PARD3: variants seen among roughly 807,000 people sequenced by gnomAD.
PARD3 encodes the protein partitioning defective 3 homolog.
Under a neutral mutation model 155.4 loss-of-function variants are expected in PARD3, and 75 were observed. The ratio of observed to expected loss-of-function variants is 0.48; its 90% CI spans 0.40 to 0.58. The LOEUF is 0.58. Among genes scored for constraint, PARD3 ranks in the 20% least tolerant of loss-of-function variants. The probability of loss-of-function intolerance (pLI) is 0.00; values close to 1 mark genes in which losing one functional copy is unlikely to be tolerated. For missense variants in PARD3, 1,642 were observed against 1,721.7 expected (o/e 0.95, Z 0.82); for synonymous variants, 576 against 610.5 (o/e 0.94, Z 0.83).
intron 1 of PARD3, among the ~76,000 whole-genome samples, chr10:34,713,317 G>T (rs2094473672): frequency 6.6e-6 from 1 of 151,968 alleles, no homozygotes. Flanking sequence ...AAATGGAATA[G>T]TGAAAGCTGT....
At chr10:34,743,088 T>C (rs1036499691) in intron 1 of PARD3, among the ~76,000 whole-genome samples, 3 of 152,212 alleles carry the variant, frequency 2.0e-5, no homozygotes, top group African/African-American at 7.2e-5. Flanking sequence ...TTAGCAAATA[T>C]TCAATTAAAT....
At chr10:34,247,762 A>C (rs964587795) in intron 22 of PARD3, among the ~76,000 whole-genome samples, 6 of 152,256 alleles carry the variant, frequency 3.9e-5, no homozygotes, top group Non-Finnish European at 8.8e-5. Context: ...TGCTAGACAC[A>C]GAAATTGGTG....
chr10:34,453,008 AC>A (rs1406833265), intron 4 of PARD3, among the ~76,000 whole-genome samples: 2 of 152,240 alleles, frequency 1.3e-5, no homozygotes, highest in South Asian at 2.1e-4. Context: ...CTAACTGGAC[AC>A]AGGCTCTGGC....
At chr10:34,752,250 T>C (rs1836137169) in intron 1 of PARD3, among the ~76,000 whole-genome samples, 2 of 151,160 alleles carry the variant, frequency 1.3e-5, no homozygotes, top group Non-Finnish European at 2.9e-5. Context: ...TTAAAATAAG[T>C]ATGTGCATTC....
chr10:34,568,036 G>A (rs1007565819), intron 2 of PARD3, among the ~76,000 whole-genome samples: 2 of 152,160 alleles, frequency 1.3e-5, no homozygotes, highest in South Asian at 2.1e-4. Context: ...CCATTCACTA[G>A]GCAGCTTTCT....
intron 3 of PARD3, among the ~76,000 whole-genome samples, chr10:34,505,871 G>A (rs1254462889): frequency 2.6e-5 from 4 of 152,168 alleles, no homozygotes; most frequent in East Asian, 1.9e-4. Context: ...GGTAGCTCAC[G>A]CTTATAATCC....
chr10:34,800,790 A>T (rs1445087545), intron 1 of PARD3, among the ~76,000 whole-genome samples: 1 of 151,598 alleles, frequency 6.6e-6, no homozygotes. Flanking sequence ...ACTAATAGGC[A>T]GATAAATAAT....
intron 1 of PARD3, among the ~76,000 whole-genome samples, chr10:34,790,168 A>C (rs1358618692): frequency 6.6e-6 from 1 of 152,224 alleles, no homozygotes; most frequent in Non-Finnish European, 1.5e-5. Flanking sequence ...AGCAGTTTCT[A>C]GACTGTAATG....
At chr10:34,572,512 G>A (rs1590064454) in intron 2 of PARD3, among the ~76,000 whole-genome samples, 1 of 149,444 alleles carries the variant, frequency 6.7e-6, no homozygotes, top group African/African-American at 2.6e-5. Flanking sequence ...TGGTGGGTGC[G>A]CCTGCAGTCC....
At chr10:34,112,758 T>A (rs936854244) in intron 24 of PARD3, among the ~76,000 whole-genome samples, 1 of 152,212 alleles carries the variant, frequency 6.6e-6, no homozygotes, top group Non-Finnish European at 1.5e-5. Context: ...TCAATATGGT[T>A]TGGAGTGAAA....
At chr10:34,487,293 T>G (rs144572925) in intron 3 of PARD3, among the ~76,000 whole-genome samples, 1 of 152,122 alleles carries the variant, frequency 6.6e-6, no homozygotes, top group Non-Finnish European at 1.5e-5. Flanking sequence ...TTCACTTAGA[T>G]CTGGTACTTT....
intron 24 of PARD3, among the ~76,000 whole-genome samples, chr10:34,115,711 T>TC (rs1564403695): frequency 6.7e-6 from 1 of 148,222 alleles, no homozygotes. Flanking sequence ...ATAATTTTTT[T>TC]CTTTTTTTTT....
At chr10:34,783,275 T>C (rs1204983860) in intron 1 of PARD3, among the ~76,000 whole-genome samples, 1 of 152,178 alleles carries the variant, frequency 6.6e-6, no homozygotes, top group Non-Finnish European at 1.5e-5. Flanking sequence ...TTATTTGGAA[T>C]AGTTTTGCCT....
In PARD3 at chr10:34,650,957, G is replaced by A. The variant is rs537145470; in HGVS notation, c.222+45361C>T. ...ACCCAGGAGGCAGAGGTTGTGGTGA[G>A]CCGAGATTGTGCCATTGCACTCCAG... On this transcript the variant is annotated intron_variant, in intron 2 of 24. Coordinates refer to ENST00000374788, the MANE Select transcript of PARD3 (RefSeq NM_001184785.2). Among the ~76,000 whole-genome samples the A allele has an allele frequency of 2.1e-5, 3 of 143,096 alleles. No individual in the cohort carries two copies. The East Asian group carries it at 6.4e-4, about 31-fold the overall frequency. The allele number at this position is 143,096 out of a possible 152,430, so 93.9% of individuals were successfully genotyped here.
At position 34,269,568 on chromosome 10, in the gene PARD3, T is replaced by A. The variant is rs1476995765; in HGVS notation, c.3419+89A>T. On this transcript the variant is annotated intron_variant, in intron 22 of 24. Coordinates refer to ENST00000374788, the MANE Select transcript of PARD3 (RefSeq NM_001184785.2). The stretch of plus-strand genomic sequence containing the variant: ...GGCCATTAATAAAAGGCAATTCTGG[T>A]TTGAGGATTGATGAATGGTCTACTC... 10 of 1,439,376 alleles carry A rather than the reference T, an allele frequency of 6.9e-6. No individual in the cohort carries two copies. The African/African-American group carries it at 1.0e-4, about 14-fold the overall frequency. The allele number at this position is 1,439,376 out of a possible 1,614,324, so 89.2% of individuals were successfully genotyped here.
At chr10:34,601,582 C>G (rs1277917451) in intron 2 of PARD3, among the ~76,000 whole-genome samples, 1 of 152,124 alleles carries the variant, frequency 6.6e-6, no homozygotes, top group Non-Finnish European at 1.5e-5. Flanking sequence ...TATAGAGCGG[C>G]CCACCCCACA....
At chr10:34,776,835 T>TGGGGGGGGG (rs35834725) in intron 1 of PARD3, among the ~76,000 whole-genome samples, 4 of 64,610 alleles carry the variant, frequency 6.2e-5, no homozygotes, top group African/African-American at 1.9e-4. Flanking sequence ...TGTTTTTTTG[T>TGGGGGGGGG]GGGGGGGGGG....
At position 34,430,864 on chromosome 10, in the gene PARD3, A is replaced by G. The variant is rs74134133; in HGVS notation, c.714+19453T>C. Among the ~76,000 whole-genome samples, 1,287 of 152,318 alleles carry G rather than the reference A, an allele frequency of 8.4e-3. 21 individuals carry two copies. Among genetic ancestry groups the G allele is most frequent in the African/African-American group, 0.03 (1,229 of 41,572 alleles). ...ATCTAGGCCATCTGATTGTGGGCATATTACACCACTTCCTCACAGGGTGTG... is the reference window on the plus strand; with the variant it reads ...ATCTAGGCCATCTGATTGTGGGCATGTTACACCACTTCCTCACAGGGTGTG... On this transcript the variant is annotated intron_variant, in intron 5 of 24. Coordinates refer to ENST00000374788, the MANE Select transcript of PARD3 (RefSeq NM_001184785.2).
At chr10:34,118,315 GT>G in intron 24 of PARD3, among the ~76,000 whole-genome samples, 1 of 152,256 alleles carries the variant, frequency 6.6e-6, no homozygotes, top group Non-Finnish European at 1.5e-5. Context: ...GGTGAAGTCC[GT>G]TGTGGTTGTT....
Sources: gnomAD v4.1 joint callset for allele counts (sites outside exome capture counted in the v4.1 genomes callset) on GRCh38, gnomAD v4.1.1 for gene constraint, MANE v1.5 for transcripts, NCBI Gene and HGNC (gene_info 2026-07-23, HGNC 2026-07-21) for gene names.